MARF1: variants seen among roughly 807,000 people sequenced by gnomAD.
MARF1 encodes limkain-b1.
A neutral mutation model predicts 168.2 loss-of-function variants in MARF1; 24 were observed. The observed-to-expected ratio is 0.14, with a 90% CI of 0.10 to 0.20. The LOEUF is 0.20. Ranked by LOEUF, MARF1 falls within the 10% of genes least tolerant of loss-of-function variation. MARF1 has a pLI of 1.00. For missense variants in MARF1, 1,744 were observed against 2,143.6 expected (o/e 0.81, Z 3.68); for synonymous variants, 868 against 822.4 (o/e 1.06, Z -0.95).
At position 15,611,123 on chromosome 16, in the gene MARF1, CG is replaced by C. The variant is rs35130148; in HGVS notation, c.3618-16del. ...TTGAGAAACACCTAGGTTTTAACAA[CG>C]GAAGTGGATACGGAATGAGTAGTAT... On this transcript the variant is annotated splice_polypyrimidine_tract_variant and intron_variant, in intron 18 of 26. Transcript: ENST00000396368. 1.2e-6 allele frequency: 2 copies of C among 1,612,432 alleles called. No homozygotes were observed. Among genetic ancestry groups the C allele is most frequent in the Admixed American group, 1.7e-5 (1 of 59,882 alleles).
chr16:15,641,050 T>C (rs2035916623), intron 1 of MARF1, among the ~76,000 whole-genome samples: 1 of 152,218 alleles, frequency 6.6e-6, no homozygotes, highest in Non-Finnish European at 1.5e-5. Flanking sequence ...AACTATATTG[T>C]GCCACTGGCC....
chr16:15,599,583 G>C (rs962575222), intron 25 of MARF1, among the ~76,000 whole-genome samples: 2 of 152,148 alleles, frequency 1.3e-5, no homozygotes, highest in African/African-American at 4.8e-5. Context: ...AAGGGCACAG[G>C]GGACGGTAAC....
Position 15,633,837 on chromosome 16 carries a change from G to A in MARF1, c.1013C>T (p.Pro338Leu). The A allele has an allele frequency of 6.2e-7, 1 of 1,608,038 alleles. No individual in the cohort carries two copies. Among genetic ancestry groups the A allele is most frequent in the Middle Eastern group, 1.7e-4 (1 of 6,046 alleles). ...CACCTGTCCAGCTACTGCAACTTCT[G>A]GTGACCCTTAAGAAATGTTAACATT... Reference protein sequence around the residue: ...LGKAASKFGSPEVAVAGQVLE... With the variant: ...LGKAASKFGSLEVAVAGQVLE... The change falls in exon 5 of 27, where the codon CCA becomes CTA. Residue 338 changes from proline (P) to leucine (L), a missense_variant. Pro to Leu is a moderately conservative substitution (Grantham distance 98, BLOSUM62 -3). Transcript: ENST00000396368.
intron 12 of MARF1, 31 bp downstream of exon 12, chr16:15,621,702 T>C: frequency 6.3e-7 from 1 of 1,591,500 alleles, no homozygotes; most frequent in Non-Finnish European, 8.6e-7. Flanking sequence ...AAATGTTATT[T>C]CCTGAAATAA....
At chr16:15,602,264 T>C in intron 22 of MARF1, 61 bp from the exon 23 acceptor site, 4 of 1,401,060 alleles carry the variant, frequency 2.9e-6, no homozygotes, top group South Asian at 1.2e-5. Flanking sequence ...CCGTGGAAAG[T>C]GAAGGCCTCC....
rs2031545620 is a variant in MARF1, at chr16:15,595,020, G to A, written c.*1673C>T. 6.6e-6 allele frequency: 1 copy of A among 152,552 alleles called. No homozygotes were observed. The highest frequency in any genetic ancestry group is 1.5e-5 in the Non-Finnish European group (1 of 68,040). The allele number at this position is 152,552 out of a possible 1,614,324, so 9.4% of individuals were successfully genotyped here. A position where few individuals can be genotyped will look rare whatever the true frequency, so the allele number is the denominator to read the frequency against. On this transcript the variant is annotated 3_prime_UTR_variant, in exon 27 of 27. Transcript: ENST00000396368. The stretch of plus-strand genomic sequence containing the variant: ...TCAGCCTTATGAAATCTTAGAATAA[G>A]GCAACTGATGTTCTCAACACCAATT...
chr16:15,621,115 A>C (rs963097630), intron 12 of MARF1, among the ~76,000 whole-genome samples: 6 of 150,770 alleles, frequency 4.0e-5, no homozygotes, highest in African/African-American at 7.3e-5. Flanking sequence ...CAAAAAAAAA[A>C]CCCGTAACTC....
rs781637855 is a variant in MARF1, at chr16:15,611,093, G to A, written c.3633C>T (p.Asp1211=). ...SQAYHWCFSK[D]WDVTEYGVCE... ...AAACACCATATTCAGTGACATCCCA[G>A]TCCTTTGAGAAACACCTAGGTTTTA... is the stretch of plus-strand genomic sequence containing the variant. Residue 1211 remains aspartate, a synonymous_variant, in exon 19 of 27, where the codon GAC becomes GAT. Coordinates refer to ENST00000396368, the MANE Select transcript of MARF1 (RefSeq NM_014647.4). 11 of 1,613,704 alleles carry A rather than the reference G, an allele frequency of 6.8e-6. No homozygotes were observed. In the East Asian group the frequency reaches 2.5e-4, roughly 36 times the overall value.
At position 15,625,395 on chromosome 16, in the gene MARF1, T is replaced by G; in HGVS notation, c.1930A>C (p.Asn644His). 1 of 1,603,928 alleles carries G rather than the reference T, an allele frequency of 6.2e-7. No homozygotes were observed. The highest frequency in any genetic ancestry group is 8.5e-7 in the Non-Finnish European group (1 of 1,176,024). ...SQANSGSATK[N>H]TNVKSLQELC... ...ACCTGTAAACTTTTAACATTTGTAT[T>G]TTTTGTAGCAGATCCAGAATTTGCC... The change falls in exon 8 of 27, where the codon AAT (asparagine) becomes CAT (histidine). Residue 644 changes from asparagine to histidine, a missense_variant. Asn to His is a moderately conservative substitution (Grantham distance 68). Coordinates refer to ENST00000396368, the MANE Select transcript of MARF1 (RefSeq NM_014647.4).
In MARF1 at chr16:15,639,084, A is replaced by C; in HGVS notation, c.144+6T>G. On this transcript the variant is annotated splice_donor_region_variant and intron_variant, in intron 2 of 26. Coordinates refer to ENST00000396368, the MANE Select transcript of MARF1 (RefSeq NM_014647.4). ...CTGCTACATCCTTAGTCTTGCATAT[A>C]GTTACCGTTTGGGGACTATGTGGCA... 1 of 1,612,904 alleles carries C rather than the reference A, an allele frequency of 6.2e-7. No homozygotes were observed. The highest frequency in any genetic ancestry group is 1.1e-5 in the South Asian group (1 of 90,864).
intron 7 of MARF1, among the ~76,000 whole-genome samples, chr16:15,628,084 G>A (rs1271266810): frequency 6.6e-6 from 1 of 152,062 alleles, no homozygotes; most frequent in Non-Finnish European, 1.5e-5. Flanking sequence ...TCCACTAACA[G>A]GTAGACTGGT....
Position 15,611,695 on chromosome 16 carries a change from G to A in MARF1, c.3514C>T (p.His1172Tyr). 1.2e-6 allele frequency: 2 copies of A among 1,614,164 alleles called. No individual in the cohort carries two copies. Among genetic ancestry groups the A allele is most frequent in the Non-Finnish European group, 1.7e-6 (2 of 1,180,006 alleles). Residue 1172 changes from histidine (H) to tyrosine (Y), a missense_variant, in exon 18 of 27, where the codon CAC becomes TAC. Around this residue, in one of 7 missense-constraint regions of MARF1, gnomAD observed 543 missense variants for 742.1 expected, o/e 0.73. Transcript: ENST00000396368. ...GTAAAGCGCTTCACCTGGGCCCTGT[G>A]GGTAAGGGTCAGCAGACGTTTGGAG... Reference protein sequence around the residue: ...MGSKRLLTLTHRAQVKRFTQD... With the variant: ...MGSKRLLTLTYRAQVKRFTQD...
intron 1 of MARF1, among the ~76,000 whole-genome samples, chr16:15,641,436 TA>T (rs1208386349): frequency 1.6e-4 from 24 of 152,248 alleles, no homozygotes; most frequent in African/African-American, 5.8e-4. Flanking sequence ...ACAGTGTTCA[TA>T]ACTTAAACAT....
At position 15,598,333 on chromosome 16, in the gene MARF1, G is replaced by A. The variant is rs1052687847; in HGVS notation, c.4984+521C>T. On this transcript the variant is annotated intron_variant, in intron 26 of 26. Transcript: ENST00000396368. ...GAGTTAAATGTGATGGTGTCTGTCA[G>A]CCCTGAGCACAGGGTCAGTGCCAAT... Among the ~76,000 whole-genome samples the A allele has an allele frequency of 3.3e-5, 5 of 152,284 alleles. No homozygotes were observed. The East Asian group carries it at 9.6e-4, about 29-fold the overall frequency.
Position 15,634,793 on chromosome 16 carries a change from A to G in MARF1, c.970T>C (p.Leu324=), listed in dbSNP as rs1157617841. 8.1e-6 allele frequency: 13 copies of G among 1,613,898 alleles called. No homozygotes were observed. The highest frequency in any genetic ancestry group is 1.1e-5 in the Non-Finnish European group (13 of 1,179,884). The change falls in exon 4 of 27, where the codon TTG becomes CTG. Residue 324 remains leucine (L), a synonymous_variant. Transcript: ENST00000396368. ...KGTGKETTLL[L]ATSLGKAASK... ...GCAGCTTTGCCTAGACTGGTCGCCA[A>G]TAACAACGTGGTCTCCTTCCCTGTT...
At chr16:15,621,636 G>A in intron 12 of MARF1, 97 bp downstream of exon 12, 1 of 1,146,404 alleles carries the variant, frequency 8.7e-7, no homozygotes, top group Non-Finnish European at 1.3e-6. Context: ...ATCATCACAA[G>A]GGGGTGGGAA....
At position 15,617,385 on chromosome 16, in the gene MARF1, G is replaced by A. The variant is rs775903619; in HGVS notation, c.2871C>T (p.Ser957=). 1.2e-6 allele frequency: 2 copies of A among 1,614,056 alleles called. No individual in the cohort carries two copies. Among genetic ancestry groups the A allele is most frequent in the African/African-American group, 1.3e-5 (1 of 74,906 alleles). The change falls in exon 14 of 27, where the codon TCC becomes TCT. Residue 957 remains serine, a synonymous_variant. Coordinates refer to ENST00000396368, the MANE Select transcript of MARF1 (RefSeq NM_014647.4). ...PLGSSQSHDG[S]STNCSPIIFE... ...ATATAATTGGGCTGCAATTCGTGGA[G>A]GAGCCGTCGTGTGACTGGGAAGACC...
chr16:15,625,229 A>G, intron 8 of MARF1, 56 bp from the exon 9 acceptor site: 13 of 1,590,352 alleles, frequency 8.2e-6, no homozygotes, highest in Non-Finnish European at 1.1e-5. Context: ...GATGTGTTAG[A>G]TCCTTTACAG....
intron 13 of MARF1, among the ~76,000 whole-genome samples, chr16:15,619,548 T>C (rs997882581): frequency 3.3e-5 from 5 of 152,314 alleles, no homozygotes; most frequent in African/African-American, 1.2e-4. Context: ...TGGCTCCCTA[T>C]TACCTGTGGG....
Sources: allele counts gnomAD v4.1 joint callset (sites outside exome capture counted in the v4.1 genomes callset), GRCh38; gene constraint gnomAD v4.1.1; regional missense constraint gnomAD v4.1.1; transcripts MANE v1.5; gene names NCBI Gene and HGNC (gene_info 2026-07-23, HGNC 2026-07-21).